The following NPTXR variants were observed in gnomAD, a reference collection of about 807,000 sequenced individuals.
NPTXR encodes the protein neuronal pentraxin receptor.
Under a neutral mutation model 32.2 loss-of-function variants are expected in NPTXR, and 12 were observed. The ratio of observed to expected loss-of-function variants is 0.37; its 90% CI spans 0.24 to 0.60. NPTXR has a LOEUF of 0.60. Ranked by LOEUF, NPTXR falls within the 20% of genes least tolerant of loss-of-function variation. The probability of loss-of-function intolerance (pLI) is 0.66; values close to 1 mark genes in which losing one functional copy is unlikely to be tolerated. For synonymous variants in NPTXR, 323 were observed against 315.8 expected (o/e 1.02, Z -0.24); for missense variants, 612 against 682.9 (o/e 0.90, Z 1.16).
intron 1 of NPTXR, among the ~76,000 whole-genome samples, chr22:38,829,050 G>T (rs1028000157): frequency 6.6e-6 from 1 of 152,238 alleles, no homozygotes; most frequent in Non-Finnish European, 1.5e-5. Flanking sequence ...CAGGGTGACA[G>T]GTGGTTGAAA....
intron 1 of NPTXR, among the ~76,000 whole-genome samples, chr22:38,833,778 G>A (rs900911004): frequency 1.3e-5 from 2 of 151,470 alleles, no homozygotes; most frequent in Non-Finnish European, 2.9e-5. Flanking sequence ...TGGGGTTCAC[G>A]CCATTCTCCT....
intron 3 of NPTXR, among the ~76,000 whole-genome samples, chr22:38,823,890 G>A (rs1320935466): frequency 6.6e-6 from 1 of 152,232 alleles, no homozygotes; most frequent in Non-Finnish European, 1.5e-5. Context: ...ACTGCTGATG[G>A]GTTAGAGCTG....
chr22:38,828,320 C>G lies in NPTXR; in HGVS notation c.817G>C (p.Val273Leu), dbSNP rs751260752. Residue 273 changes from valine to leucine, a missense_variant, in exon 2 of 5, where the codon GTC (valine) becomes CTC (leucine). Physicochemically the swap from Val to Leu is conservative, Grantham distance 32 (BLOSUM62 1). Transcript: ENST00000333039. ...AGCTCAGCCACACGACCCTGCAGGA[C>G]GTCCAACTCCTTTTCCACTTCCTGC... The G allele has an allele frequency of 2.5e-6, 4 of 1,613,568 alleles. No individual in the cohort carries two copies. In the East Asian group the frequency reaches 8.9e-5, roughly 36 times the overall value.
At chr22:38,838,773 G>A (rs568495394) in intron 1 of NPTXR, among the ~76,000 whole-genome samples, 48 of 152,038 alleles carry the variant, frequency 3.2e-4, no homozygotes, top group Non-Finnish European at 5.3e-4. Flanking sequence ...AGTAGAGACG[G>A]GGTTTCACCG....
intron 3 of NPTXR, 133 bp downstream of exon 3, chr22:38,826,367 C>T (rs892059028): frequency 2.2e-5 from 25 of 1,121,590 alleles, no homozygotes; most frequent in South Asian, 4.5e-5. Flanking sequence ...GCCTAGCACA[C>T]GGTAGGTACT....
rs148816112 is a variant in NPTXR, at chr22:38,822,613, G to A, written c.1499C>T (p.Ala500Val). ...GGCCCTGGATGAGGTGGCCCCTCAT[G>A]CCTTGGCCCTCCCCTTGCAGACATC... The change falls in exon 5 of 5, where the codon GCA becomes GTA. Residue 500 changes from alanine (A) to valine (V), a missense_variant. Ala to Val is a moderately conservative substitution (Grantham distance 64). Transcript: ENST00000333039. 2.5e-6 allele frequency: 4 copies of A among 1,608,156 alleles called. No homozygotes were observed. Among genetic ancestry groups the A allele is most frequent in the Non-Finnish European group, 3.4e-6 (4 of 1,177,912 alleles).
At chr22:38,839,891 T>A (rs1464300974) in intron 1 of NPTXR, among the ~76,000 whole-genome samples, 1 of 152,212 alleles carries the variant, frequency 6.6e-6, no homozygotes, top group East Asian at 1.9e-4. Context: ...TATTATGGCA[T>A]CATTAAAATG....
chr22:38,828,181 C>A, intron 2 of NPTXR, 106 bp downstream of exon 2: 1 of 850,376 alleles, frequency 1.2e-6, no homozygotes, highest in South Asian at 1.5e-5. Context: ...TCCTCCCCAC[C>A]CTCCAGTCTG....
chr22:38,843,193 C>T lies in NPTXR; in HGVS notation c.624+42G>A. ...GGACGACCGCGGCCGGGCGGCCCCT[C>T]ACACCACCCGGGCGGCTCCCCCGAC... On this transcript the variant is annotated intron_variant, in intron 1 of 4. Coordinates refer to ENST00000333039, the MANE Select transcript of NPTXR (RefSeq NM_014293.4). The surrounding 1 kb of genome is among the most constrained non-coding windows in gnomAD (Gnocchi z 5.3). 7.8e-7 allele frequency: 1 copy of T among 1,281,224 alleles called. No homozygotes were observed. Among genetic ancestry groups the T allele is most frequent in the Non-Finnish European group, 9.8e-7 (1 of 1,017,008 alleles). 79.4% of individuals were successfully genotyped at this position (1,281,224 alleles called of 1,614,324 possible). A position where few individuals can be genotyped will look rare whatever the true frequency, so the allele number is the denominator to read the frequency against.
chr22:38,841,919 C>T (rs1045644905), intron 1 of NPTXR, among the ~76,000 whole-genome samples: 26 of 152,184 alleles, frequency 1.7e-4, no homozygotes, highest in African/African-American at 5.1e-4. Flanking sequence ...GGTATGGGCC[C>T]GGCTTTTCTC....
chr22:38,832,287 T>C (rs764913001), intron 1 of NPTXR, among the ~76,000 whole-genome samples: 1 of 152,174 alleles, frequency 6.6e-6, no homozygotes. Flanking sequence ...GCGCAGGCTG[T>C]GCCGCGTGGG....
chr22:38,823,984 ATT>A (rs922532451), intron 3 of NPTXR, among the ~76,000 whole-genome samples: 2 of 146,580 alleles, frequency 1.4e-5, no homozygotes, highest in African/African-American at 5.0e-5. Context: ...CTGAGGTCAC[ATT>A]TTTTTTTTTG....
intron 2 of NPTXR, 74 bp from the exon 3 acceptor site, chr22:38,826,821 A>G: frequency 6.5e-7 from 1 of 1,534,824 alleles, no homozygotes; most frequent in Non-Finnish European, 8.8e-7. Flanking sequence ...GGCACACTTC[A>G]GAAAGATGGC....
At position 38,843,505 on chromosome 22, in the gene NPTXR, G is replaced by C; in HGVS notation, c.354C>G (p.Gly118=). The C allele has an allele frequency of 2.3e-6, 3 of 1,281,654 alleles. No homozygotes were observed. The highest frequency in any genetic ancestry group is 3.0e-6 in the Non-Finnish European group (3 of 1,016,140). 79.4% of individuals were successfully genotyped at this position (1,281,654 alleles called of 1,614,324 possible). The change falls in exon 1 of 5, where the codon GGC becomes GGG. Residue 118 remains glycine, a synonymous_variant. Coordinates refer to ENST00000333039, the MANE Select transcript of NPTXR (RefSeq NM_014293.4). This position sits in a 1 kb window ranked among gnomAD's most constrained non-coding sequence, Gnocchi z 5.3. The stretch of plus-strand genomic sequence containing the variant: ...GCAGCAGCAGCAGCTCTTCGCGCTC[G>C]CCCGGCGCAGCGCCCGCCGCGTCCC...
intron 3 of NPTXR, among the ~76,000 whole-genome samples, chr22:38,823,990 T>G (rs1455691474): frequency 6.6e-6 from 1 of 152,000 alleles, no homozygotes; most frequent in African/African-American, 2.4e-5. Flanking sequence ...TCACATTTTT[T>G]TTTTTGAGAT....
chr22:38,840,445 TTGGGGCTGCC>T, intron 1 of NPTXR, among the ~76,000 whole-genome samples: 1 of 151,978 alleles, frequency 6.6e-6, no homozygotes, highest in Non-Finnish European at 1.5e-5. Context: ...AGGAAGACCC[TTGGGGCTGCC>T]TGGAGGAGGA....
chr22:38,837,241 G>A (rs1011267602), intron 1 of NPTXR, among the ~76,000 whole-genome samples: 2 of 152,236 alleles, frequency 1.3e-5, no homozygotes, highest in Admixed American at 6.5e-5. Flanking sequence ...TGGCCCTGGA[G>A]TCTGTACCAG....
At chr22:38,841,910 G>A (rs1421693895) in intron 1 of NPTXR, among the ~76,000 whole-genome samples, 1 of 152,192 alleles carries the variant, frequency 6.6e-6, no homozygotes, top group Non-Finnish European at 1.5e-5. Context: ...GAAGAGGTGG[G>A]TATGGGCCCG....
chr22:38,828,563 C>A, intron 1 of NPTXR, 51 bp from the exon 2 acceptor site: 1 of 1,449,508 alleles, frequency 6.9e-7, no homozygotes, highest in South Asian at 1.2e-5. Flanking sequence ...GAAGGACAGG[C>A]TGGGAACACT....
Sources: allele counts gnomAD v4.1 joint callset (sites outside exome capture counted in the v4.1 genomes callset), GRCh38; gene constraint gnomAD v4.1.1; non-coding constraint Gnocchi (gnomAD v3.1); transcripts MANE v1.5; gene names NCBI Gene and HGNC (gene_info 2026-07-23, HGNC 2026-07-21).